GNPTAB: variants seen among roughly 807,000 people sequenced by gnomAD.
GNPTAB encodes the protein N-acetylglucosamine-1-phosphotransferase subunits alpha/beta.
GNPTAB carries 92 observed loss-of-function variants against 136.6 expected under a neutral mutation model. The observed-to-expected ratio is 0.67, with a 90% CI of 0.57 to 0.80. The LOEUF is 0.80. Among genes scored for constraint, GNPTAB ranks in the 30% least tolerant of loss-of-function variants. The pLI is 0.00. For missense variants in GNPTAB, 1,343 were observed against 1,501.8 expected (o/e 0.89, Z 1.75); for synonymous variants, 512 against 535.1 (o/e 0.96, Z 0.60).
chr12:101,791,537 T>C (rs1307090111), intron 2 of GNPTAB, among the ~76,000 whole-genome samples: 1 of 152,140 alleles, frequency 6.6e-6, no homozygotes, highest in Non-Finnish European at 1.5e-5. Context: ...AAATTTGTGT[T>C]GGGCCGCATT....
At chr12:101,778,366 T>A (rs1953289645) in intron 7 of GNPTAB, 1 of 152,204 alleles carries the variant, frequency 6.6e-6, no homozygotes, top group East Asian at 1.9e-4. Context: ...CATAAGCAAG[T>A]TGAACTGGTG....
chr12:101,793,407 C>T (rs1485715253), intron 2 of GNPTAB, among the ~76,000 whole-genome samples: 2 of 152,106 alleles, frequency 1.3e-5, no homozygotes, highest in Admixed American at 6.6e-5. Context: ...TTTCCTGCTA[C>T]TAAATATTTT....
intron 1 of GNPTAB, among the ~76,000 whole-genome samples, chr12:101,814,364 A>C (rs1566098583): frequency 6.6e-6 from 1 of 152,122 alleles, no homozygotes; most frequent in East Asian, 1.9e-4. Flanking sequence ...ATGTTTATTC[A>C]TATCTACTGT....
intron 16 of GNPTAB, among the ~76,000 whole-genome samples, chr12:101,759,420 A>G (rs1298618254): frequency 9.5e-6 from 1 of 105,212 alleles, no homozygotes; most frequent in East Asian, 2.1e-4. Context: ...AATAAAGCTT[A>G]AAAAAAAAAA....
At chr12:101,799,975 T>C (rs571495944) in intron 1 of GNPTAB, among the ~76,000 whole-genome samples, 105 of 152,330 alleles carry the variant, frequency 6.9e-4, no homozygotes, top group African/African-American at 2.4e-3. Flanking sequence ...GAGAGAACTT[T>C]TGGTTTTGGT....
chr12:101,815,228 G>T (rs117733457), intron 1 of GNPTAB, among the ~76,000 whole-genome samples: 1 of 152,080 alleles, frequency 6.6e-6, no homozygotes, highest in African/African-American at 2.4e-5. Context: ...CCACTATGCT[G>T]GCTAATTTTG....
intron 1 of GNPTAB, among the ~76,000 whole-genome samples, chr12:101,816,964 A>G (rs553036165): frequency 6.6e-6 from 1 of 152,324 alleles, no homozygotes; most frequent in South Asian, 2.1e-4. Context: ...TTGCATTCAC[A>G]TTTCTCACTC....
At chr12:101,765,972 GGC>G (rs1422332898) in intron 12 of GNPTAB, 117 bp downstream of exon 12, 36 of 854,100 alleles carry the variant, frequency 4.2e-5, no homozygotes, top group Non-Finnish European at 6.8e-5. Context: ...TTGAATGCAA[GGC>G]TGGTAAAGGG....
chr12:101,788,448 T>C, intron 4 of GNPTAB, 100 bp downstream of exon 4: 1 of 798,448 alleles, frequency 1.3e-6, no homozygotes, highest in Non-Finnish European at 2.2e-6. Flanking sequence ...ATATGGATAA[T>C]AAACACAAAA....
Position 101,766,415 on chromosome 12 carries a change from A to G in GNPTAB, c.1409-121T>C, listed in dbSNP as rs1238931229. 1.2e-5 allele frequency: 10 copies of G among 834,826 alleles called. No individual in the cohort carries two copies. The Admixed American group carries it at 1.9e-4, about 16-fold the overall frequency. 51.7% of individuals were successfully genotyped at this position (834,826 alleles called of 1,614,324 possible). On this transcript the variant is annotated intron_variant, in intron 11 of 20. Coordinates refer to ENST00000299314, the MANE Select transcript of GNPTAB (RefSeq NM_024312.5). ...CACTTTGGGAGGCAGAGGAGGCTGG[A>G]TCACCTGAGGTCAGGAGTTTGAGAC...
intron 1 of GNPTAB, among the ~76,000 whole-genome samples, chr12:101,816,389 T>C (rs1313318593): frequency 6.6e-6 from 1 of 152,118 alleles, no homozygotes. Flanking sequence ...TGGCAAAATA[T>C]CAGAATAGAC....
At chr12:101,786,775 G>A (rs1868671397) in intron 4 of GNPTAB, among the ~76,000 whole-genome samples, 1 of 152,092 alleles carries the variant, frequency 6.6e-6, no homozygotes, top group African/African-American at 2.4e-5. Context: ...CAAATGGATG[G>A]GCAAAGGACA....
At chr12:101,815,553 A>T (rs544852963) in intron 1 of GNPTAB, among the ~76,000 whole-genome samples, 2 of 151,628 alleles carry the variant, frequency 1.3e-5, no homozygotes, top group Middle Eastern at 3.4e-3. Flanking sequence ...TTGAGGCTGC[A>T]GTCTGCTATG....
At chr12:101,788,235 T>C (rs1426300881) in intron 4 of GNPTAB, among the ~76,000 whole-genome samples, 2 of 152,116 alleles carry the variant, frequency 1.3e-5, no homozygotes, top group Non-Finnish European at 2.9e-5. Flanking sequence ...TAAATGAAAA[T>C]ACTGGGTAGA....
At chr12:101,751,790 G>A (rs142838375) in intron 19 of GNPTAB, among the ~76,000 whole-genome samples, 10 of 152,282 alleles carry the variant, frequency 6.6e-5, no homozygotes, top group East Asian at 1.9e-4. Context: ...CTACTCTGAC[G>A]GCAGTGATGA....
intron 7 of GNPTAB, chr12:101,778,275 G>A (rs896646580): frequency 6.6e-6 from 1 of 152,112 alleles, no homozygotes; most frequent in African/African-American, 2.4e-5. Context: ...GGAGTATGGA[G>A]AAGTGGAATG....
intron 1 of GNPTAB, among the ~76,000 whole-genome samples, chr12:101,824,465 C>CTTTTTG (rs1870989263): frequency 1.7e-5 from 1 of 60,574 alleles, no homozygotes; most frequent in Non-Finnish European, 3.2e-5. Flanking sequence ...TTTGGTTAAC[C>CTTTTTG]TTTTTGTTTT....
intron 4 of GNPTAB, among the ~76,000 whole-genome samples, chr12:101,788,153 T>C (rs934254720): frequency 6.6e-6 from 1 of 152,188 alleles, no homozygotes; most frequent in African/African-American, 2.4e-5. Flanking sequence ...ACATAAAATA[T>C]ACAGCTTCAC....
chr12:101,771,062 G>T lies in GNPTAB; in HGVS notation c.867C>A (p.Thr289=). 1 of 1,613,814 alleles carries T rather than the reference G, an allele frequency of 6.2e-7. No homozygotes were observed. The highest frequency in any genetic ancestry group is 8.5e-7 in the Non-Finnish European group (1 of 1,179,770). ...TTATGGTCAGTTCTTTTCCATCAAT[G>T]GTCATGTTCTTCTTAGTTTGCTTAT... ...ELNKQTKKNM[T]IDGKELTISP... is the part of the protein sequence containing the mutation. The change falls in exon 8 of 21, where the codon ACC becomes ACA. Residue 289 remains threonine (T), a synonymous_variant. Transcript: ENST00000299314.
Sources: gnomAD v4.1 joint callset for allele counts (sites outside exome capture counted in the v4.1 genomes callset) on GRCh38, gnomAD v4.1.1 for gene constraint, MANE v1.5 for transcripts, NCBI Gene and HGNC (gene_info 2026-07-23, HGNC 2026-07-21) for gene names.